Variants in ATF7 observed in about 807,000 individuals in gnomAD.
The protein encoded by ATF7 is activating transcription factor 7.
ATF7 carries 10 observed loss-of-function variants against 50.4 expected under a neutral mutation model. That is an observed-to-expected ratio of 0.20 (90% CI 0.12 to 0.34). The LOEUF (loss-of-function observed/expected upper bound fraction) is 0.34, where lower values mean the gene tolerates loss of function less well. ATF7 is among the 10% of genes least tolerant of loss of function. ATF7 has a pLI of 1.00. For synonymous variants in ATF7, 201 were observed against 226.4 expected (o/e 0.89, Z 1.01); for missense variants, 465 against 613.9 (o/e 0.76, Z 2.56).
intron 2 of ATF7, among the ~76,000 whole-genome samples, chr12:53,562,196 G>A (rs1400700150): frequency 6.6e-6 from 1 of 152,200 alleles, no homozygotes; most frequent in Non-Finnish European, 1.5e-5. Flanking sequence ...AGCTCCTCAA[G>A]AACAAGGATC....
At chr12:53,603,995 C>T (rs1449636867) in intron 1 of ATF7, among the ~76,000 whole-genome samples, 1 of 152,164 alleles carries the variant, frequency 6.6e-6, no homozygotes, top group Admixed American at 6.5e-5. Flanking sequence ...TCATTTATAA[C>T]CATACTGCTT....
chr12:53,579,834 G>A (rs1222837914), intron 2 of ATF7, among the ~76,000 whole-genome samples: 1 of 151,548 alleles, frequency 6.6e-6, no homozygotes, highest in Non-Finnish European at 1.5e-5. Context: ...GACAAATTGT[G>A]CGCAATGCCT....
chr12:53,540,364 A>G (rs1377320870), intron 4 of ATF7, among the ~76,000 whole-genome samples: 1 of 151,662 alleles, frequency 6.6e-6, no homozygotes, highest in African/African-American at 2.4e-5. Context: ...AAAAAAAAAA[A>G]AAAGAAAAAA....
At chr12:53,519,125 C>T (rs1295724398) in intron 11 of ATF7, among the ~76,000 whole-genome samples, 1 of 151,688 alleles carries the variant, frequency 6.6e-6, no homozygotes, top group Admixed American at 6.6e-5. Context: ...AGTACATTAA[C>T]TGTTTTATTC....
Position 53,546,196 on chromosome 12 carries a change from A to AAAAC in ATF7, c.146-2752_146-2749dup, listed in dbSNP as rs148932395. On this transcript the variant is annotated intron_variant, in intron 3 of 11. Transcript: ENST00000420353. Reference sequence around the variant, plus strand: ...AACAAGAATGAAACTCCATCTCAAAAAAACAAACAAACAAACAAACAAACA... The same window carrying AAAAC: ...AACAAGAATGAAACTCCATCTCAAAAAAACAAACAAACAAACAAACAAACAAACA... Among the ~76,000 whole-genome samples, 981 of 151,590 alleles carry AAAAC rather than the reference A, an allele frequency of 6.5e-3. 11 individuals carry two copies. Among genetic ancestry groups the AAAAC allele is most frequent in the African/African-American group, 0.022 (891 of 41,098 alleles).
At chr12:53,508,280 G>C (rs571818709), downstream of ATF7, 1 of 141,318 alleles carries the variant, frequency 7.1e-6, no homozygotes, top group South Asian at 2.3e-4. Context: ...TTTTTTTTTT[G>C]GCCGGGTGCA....
At chr12:53,609,456 G>A (rs1271761473) in intron 1 of ATF7, among the ~76,000 whole-genome samples, 10 of 129,598 alleles carry the variant, frequency 7.7e-5, no homozygotes, top group South Asian at 2.6e-4. Context: ...GCCTGGCCAC[G>A]AGACCCTGTT....
In ATF7 at chr12:53,537,428, G is replaced by T. The variant is rs760630122; in HGVS notation, c.389C>A (p.Pro130Gln). Reference protein sequence around the residue: ...DSPASSPCSPPLKEKEVTPKP... With the variant: ...DSPASSPCSPQLKEKEVTPKP... ...TAGAGAATTTACCTTCTCCTTCAGT[G>T]GTGGGGAACAGGGACTAGAGGCAGG... Residue 130 changes from proline to glutamine, a missense_variant, in exon 5 of 12, where the codon CCA becomes CAA. Transcript: ENST00000420353. 1.9e-6 allele frequency: 3 copies of T among 1,613,700 alleles called. No individual in the cohort carries two copies. In the South Asian group the frequency reaches 3.3e-5, roughly 18 times the overall value.
intron 2 of ATF7, among the ~76,000 whole-genome samples, chr12:53,577,102 A>G (rs1942115635): frequency 6.6e-6 from 1 of 152,044 alleles, no homozygotes; most frequent in Admixed American, 6.6e-5. Flanking sequence ...GCTCAGTAGT[A>G]GACTGGACAT....
chr12:53,513,185 C>T lies in ATF7; in HGVS notation c.*3952G>A, dbSNP rs551950406. On this transcript the variant is annotated 3_prime_UTR_variant, in exon 12 of 12. Transcript: ENST00000420353. ...ACATAAGCTCCTTTAACCTGCCCTACTCTCCCCAGCCTTTTCTCATTCTGG... is the reference window on the plus strand; with the variant it reads ...ACATAAGCTCCTTTAACCTGCCCTATTCTCCCCAGCCTTTTCTCATTCTGG... 1 of 152,322 alleles carries T rather than the reference C, an allele frequency of 6.6e-6. No homozygotes were observed. Among genetic ancestry groups the T allele is most frequent in the South Asian group, 2.1e-4 (1 of 4,826 alleles). The allele number at this position is 152,322 out of a possible 1,614,324, so 9.4% of individuals were successfully genotyped here. A position where few individuals can be genotyped will look rare whatever the true frequency, so the allele number is the denominator to read the frequency against.
intron 2 of ATF7, among the ~76,000 whole-genome samples, chr12:53,583,128 T>C (rs1470218105): frequency 1.3e-5 from 2 of 152,192 alleles, no homozygotes; most frequent in African/African-American, 4.8e-5. Flanking sequence ...CTATAAAATT[T>C]CTAGAAGATA....
downstream of ATF7, among the ~76,000 whole-genome samples, chr12:53,511,576 A>AC (rs1944127571): frequency 6.6e-6 from 1 of 151,920 alleles, no homozygotes; most frequent in Admixed American, 6.6e-5. Flanking sequence ...AGTAAACTCT[A>AC]CCCCTCATTT....
intron 3 of ATF7, among the ~76,000 whole-genome samples, chr12:53,550,277 T>C (rs1036733337): frequency 6.7e-6 from 1 of 148,606 alleles, no homozygotes; most frequent in African/African-American, 2.5e-5. Context: ...TGAGCCGAGA[T>C]TACGCCACTG....
At chr12:53,613,513 A>T (rs370372744) in intron 1 of ATF7, among the ~76,000 whole-genome samples, 1 of 151,946 alleles carries the variant, frequency 6.6e-6, no homozygotes, top group African/African-American at 2.4e-5. Context: ...TGGAGTCCTC[A>T]ATTATTATTT....
intron 1 of ATF7, among the ~76,000 whole-genome samples, chr12:53,613,304 C>G (rs1358685917): frequency 6.6e-6 from 1 of 152,088 alleles, no homozygotes; most frequent in Non-Finnish European, 1.5e-5. Context: ...TATGAGAATC[C>G]AGCTTTTTTC....
At chr12:53,549,730 C>G (rs562341393) in intron 3 of ATF7, among the ~76,000 whole-genome samples, 2 of 152,110 alleles carry the variant, frequency 1.3e-5, no homozygotes, top group African/African-American at 4.8e-5. Flanking sequence ...GGACTACAGG[C>G]GCTCGCCACC....
downstream of ATF7, among the ~76,000 whole-genome samples, chr12:53,508,484 G>A (rs1470072131): frequency 2.7e-5 from 4 of 150,576 alleles, no homozygotes; most frequent in East Asian, 2.0e-4. Flanking sequence ...CGCTTGAATC[G>A]GGGAGGCAGA....
chr12:53,539,355 G>C (rs954835727), intron 4 of ATF7, among the ~76,000 whole-genome samples: 2 of 152,138 alleles, frequency 1.3e-5, no homozygotes, highest in Non-Finnish European at 2.9e-5. Context: ...AAGGTGGGAG[G>C]ATCACCTGAG....
At chr12:53,545,383 A>G (rs759868711) in intron 3 of ATF7, among the ~76,000 whole-genome samples, 10 of 152,076 alleles carry the variant, frequency 6.6e-5, no homozygotes, top group Non-Finnish European at 1.3e-4. Context: ...GCAATGGCGC[A>G]ATCTCAGCTC....
Sources: gnomAD v4.1 joint callset for allele counts (sites outside exome capture counted in the v4.1 genomes callset) on GRCh38, gnomAD v4.1.1 for gene constraint, MANE v1.5 for transcripts, NCBI Gene and HGNC (gene_info 2026-07-23, HGNC 2026-07-21) for gene names.